The following RIN2 variants were observed in gnomAD, a reference collection of about 807,000 sequenced individuals.
The protein encoded by RIN2 is Ras and Rab interactor 2, also known as RAB5 interacting protein 2.
A neutral mutation model predicts 78.0 loss-of-function variants in RIN2; 36 were observed. The observed-to-expected ratio is 0.46, with a 90% CI of 0.35 to 0.61. The LOEUF is 0.61. Ranked by LOEUF, RIN2 falls within the 20% of genes least tolerant of loss-of-function variation. The probability of loss-of-function intolerance (pLI) is 0.00; values close to 1 mark genes in which losing one functional copy is unlikely to be tolerated. For synonymous variants in RIN2, 466 were observed against 466.8 expected (o/e 1.00, Z 0.02); for missense variants, 1,087 against 1,159.7 (o/e 0.94, Z 0.91).
intron 2 of RIN2, among the ~76,000 whole-genome samples, chr20:19,855,572 C>T (rs996406538): frequency 2.0e-5 from 3 of 152,090 alleles, no homozygotes; most frequent in African/African-American, 7.2e-5. Context: ...CCCTTCTGAC[C>T]ATGTAGTCAT....
At position 20,001,009 on chromosome 20, in the gene RIN2, T is replaced by C. The variant is rs1395333121; in HGVS notation, c.*73T>C. 7.1e-7 allele frequency: 1 copy of C among 1,406,172 alleles called. No homozygotes were observed. The highest frequency in any genetic ancestry group is 1.4e-5 in the African/African-American group (1 of 70,246). The allele number at this position is 1,406,172 out of a possible 1,614,324, so 87.1% of individuals were successfully genotyped here. On this transcript the variant is annotated 3_prime_UTR_variant, in exon 13 of 13. Coordinates refer to ENST00000255006, the MANE Select transcript of RIN2 (RefSeq NM_018993.4). ...CCTTGCCTTCCCGCTTCTACATGCT[T>C]GAGCTTGAAAAGCAGTCACCTCCTC... is the stretch of plus-strand genomic sequence containing the variant.
upstream of RIN2, chr20:19,758,066 TCTC>T (rs1380417642): frequency 2.6e-5 from 4 of 152,248 alleles, no homozygotes. Context: ...CCCCGCCCCA[TCTC>T]CTCTGCGAGC....
In RIN2 at chr20:19,758,275, T is replaced by C. The variant is rs1333932249; in HGVS notation, c.-215T>C. The C allele has an allele frequency of 1.3e-5, 2 of 152,074 alleles. No individual in the cohort carries two copies. Among genetic ancestry groups the C allele is most frequent in the African/African-American group, 2.4e-5 (1 of 41,394 alleles). 9.4% of individuals were successfully genotyped at this position (152,074 alleles called of 1,614,324 possible). On this transcript the variant is annotated 5_prime_UTR_variant, in exon 1 of 13. Coordinates refer to ENST00000255006, the MANE Select transcript of RIN2 (RefSeq NM_018993.4). The stretch of plus-strand genomic sequence containing the variant: ...GGAAACCCAGCCCCGCGCTCGTCTT[T>C]GGGGCCACCGGTCGCCCCCGCCTCC...
At chr20:19,880,542 C>T (rs889705958) in intron 2 of RIN2, among the ~76,000 whole-genome samples, 3 of 151,710 alleles carry the variant, frequency 2.0e-5, no homozygotes, top group African/African-American at 7.3e-5. Context: ...ACCACAGATA[C>T]ATGCCACCAT....
intron 4 of RIN2, among the ~76,000 whole-genome samples, chr20:19,937,711 G>A (rs1339589168): frequency 6.6e-6 from 1 of 152,214 alleles, no homozygotes; most frequent in East Asian, 1.9e-4. Context: ...CAATTACAGT[G>A]AAGTCCAGTG....
chr20:19,924,952 T>G (rs2040164625), intron 3 of RIN2, among the ~76,000 whole-genome samples: 1 of 151,038 alleles, frequency 6.6e-6, no homozygotes, highest in African/African-American at 2.4e-5. Context: ...TTGGTCAGGC[T>G]GGTCTCAAAC....
intron 2 of RIN2, among the ~76,000 whole-genome samples, chr20:19,865,827 A>G (rs1218045549): frequency 1.3e-5 from 2 of 152,046 alleles, no homozygotes; most frequent in Admixed American, 6.6e-5. Context: ...ATAAAAATAT[A>G]CACATACATA....
At chr20:19,890,694 A>AAAAAC (rs2038415070) in intron 3 of RIN2, among the ~76,000 whole-genome samples, 4 of 148,850 alleles carry the variant, frequency 2.7e-5, no homozygotes, top group Non-Finnish European at 5.9e-5. Context: ...AAAAAAAAAA[A>AAAAAC]AAAAAAAAAC....
intron 2 of RIN2, among the ~76,000 whole-genome samples, chr20:19,853,655 G>A (rs1600625964): frequency 1.3e-5 from 2 of 152,256 alleles, no homozygotes; most frequent in African/African-American, 4.8e-5. Flanking sequence ...ATTTTTTCAT[G>A]TGTCTGTTGG....
chr20:19,821,019 C>T (rs2035910339), intron 2 of RIN2, among the ~76,000 whole-genome samples: 1 of 151,944 alleles, frequency 6.6e-6, no homozygotes, highest in Non-Finnish European at 1.5e-5. Context: ...TGTGAACTGG[C>T]TGCAGAACAT....
chr20:19,943,723 A>T (rs1160512205), intron 4 of RIN2, among the ~76,000 whole-genome samples: 1 of 152,176 alleles, frequency 6.6e-6, no homozygotes. Flanking sequence ...GGCCTCTGAT[A>T]GCCCTTAAAA....
Position 19,812,486 on chromosome 20 carries a change from G to A in RIN2, c.-37+12739G>A, listed in dbSNP as rs2035634798. On this transcript the variant is annotated intron_variant, in intron 2 of 12. Coordinates refer to ENST00000255006, the MANE Select transcript of RIN2 (RefSeq NM_018993.4). The stretch of plus-strand genomic sequence containing the variant: ...AATGATGTTAAGCATCTTTTCATGT[G>A]CTCATTTGCCATTTGCATAGCTTCT... Among the ~76,000 whole-genome samples the A allele has an allele frequency of 3.9e-5, 6 of 152,066 alleles. No homozygotes were observed. The South Asian group carries it at 1.2e-3, about 32-fold the overall frequency.
intron 3 of RIN2, among the ~76,000 whole-genome samples, chr20:19,924,482 T>C (rs372885970): frequency 3.5e-4 from 12 of 34,014 alleles, no homozygotes; most frequent in Non-Finnish European, 4.1e-4. Flanking sequence ...ACCCCCACCT[T>C]CATACCCCAC....
intron 2 of RIN2, among the ~76,000 whole-genome samples, chr20:19,879,248 T>C (rs2123424528): frequency 6.6e-6 from 1 of 152,330 alleles, no homozygotes; most frequent in South Asian, 2.1e-4. Context: ...TGGCAACAGA[T>C]ATCTCTGAGA....
In RIN2 at chr20:20,001,160, C is replaced by T. The variant is rs886093143; in HGVS notation, c.*224C>T. The stretch of plus-strand genomic sequence containing the variant: ...CTCTTTTGGCAATGGAGAATTGCAT[C>T]TGATGGTTCAAGTGTCCTGAGATTG... On this transcript the variant is annotated 3_prime_UTR_variant, in exon 13 of 13. Coordinates refer to ENST00000255006, the MANE Select transcript of RIN2 (RefSeq NM_018993.4). 2 of 541,006 alleles carry T rather than the reference C, an allele frequency of 3.7e-6. No homozygotes were observed. The highest frequency in any genetic ancestry group is 3.3e-6 in the Non-Finnish European group (1 of 303,148). 33.5% of individuals were successfully genotyped at this position (541,006 alleles called of 1,614,324 possible).
At chr20:19,781,184 T>C (rs34840003) in intron 1 of RIN2, among the ~76,000 whole-genome samples, 16,217 of 152,202 alleles carry the variant, frequency 0.11, 980 homozygotes, top group South Asian at 0.19. Context: ...GTGGCATATG[T>C]CACTTCCATC....
chr20:19,997,944 A>C (rs1319116073), intron 12 of RIN2, among the ~76,000 whole-genome samples: 1 of 152,000 alleles, frequency 6.6e-6, no homozygotes, highest in Non-Finnish European at 1.5e-5. Context: ...TGTGGAAAGC[A>C]AGACAGATTT....
intron 3 of RIN2, among the ~76,000 whole-genome samples, chr20:19,915,095 T>A (rs2039629492): frequency 6.6e-6 from 1 of 152,178 alleles, no homozygotes; most frequent in South Asian, 2.1e-4. Flanking sequence ...GATTTCCTGC[T>A]CTGAATTTAT....
chr20:19,917,751 T>C (rs962932443), intron 3 of RIN2, among the ~76,000 whole-genome samples: 1 of 138,380 alleles, frequency 7.2e-6, no homozygotes, highest in Non-Finnish European at 1.5e-5. Flanking sequence ...ATACTGTACA[T>C]CTCAAGAAAT....
Sources: gnomAD v4.1 joint callset for allele counts (sites outside exome capture counted in the v4.1 genomes callset) on GRCh38, gnomAD v4.1.1 for gene constraint, MANE v1.5 for transcripts, NCBI Gene and HGNC (gene_info 2026-07-23, HGNC 2026-07-21) for gene names.